Variants in GALNT13 observed in about 807,000 individuals in gnomAD.
GALNT13 encodes polypeptide N-acetylgalactosaminyltransferase 13, also known as UDP-GalNAc:polypeptide N-acetylgalactosaminyltransferase 13.
In GALNT13, 28 loss-of-function variants were observed where a neutral mutation model predicts 64.2. That is an observed-to-expected ratio of 0.44 (90% confidence interval 0.32 to 0.60). The LOEUF is 0.60. GALNT13 is among the 20% of genes least tolerant of loss of function. The probability of loss-of-function intolerance (pLI) is 0.05; values close to 1 mark genes in which losing one functional copy is unlikely to be tolerated. For synonymous variants in GALNT13, 214 were observed against 224.6 expected (o/e 0.95, Z 0.42); for missense variants, 577 against 669.8 (o/e 0.86, Z 1.53).
At chr2:154,400,094 A>G (rs910402060) in intron 10 of GALNT13, among the ~76,000 whole-genome samples, 4 of 152,230 alleles carry the variant, frequency 2.6e-5, no homozygotes, top group African/African-American at 9.6e-5. Context: ...CCACGTATAC[A>G]TAATTTAAGA....
intron 2 of GALNT13, among the ~76,000 whole-genome samples, chr2:153,921,391 TCA>T (rs1241954833): frequency 2.0e-5 from 3 of 152,156 alleles, no homozygotes; most frequent in Non-Finnish European, 2.9e-5. Flanking sequence ...CTGCATTCTC[TCA>T]TTTGTAAGTG....
the GALNT13 span, among the ~76,000 whole-genome samples, chr2:153,521,515 T>C: frequency 1.2e-4 from 18 of 152,334 alleles, no homozygotes; most frequent in African/African-American, 4.3e-4. Flanking sequence ...GTACATGTTA[T>C]AATTGACGAA....
At chr2:154,044,140 G>A (rs1471532215) in intron 3 of GALNT13, among the ~76,000 whole-genome samples, 3 of 152,022 alleles carry the variant, frequency 2.0e-5, no homozygotes, top group African/African-American at 7.2e-5. Context: ...GGCTTTGTAG[G>A]GGATCAAGTT....
chr2:153,552,619 A>T, the GALNT13 span, among the ~76,000 whole-genome samples: 1 of 140,670 alleles, frequency 7.1e-6, no homozygotes, highest in Non-Finnish European at 1.5e-5. Context: ...AACTGGAATC[A>T]AAGGCATCAT....
chr2:154,244,975 G>T (rs889775551), intron 6 of GALNT13, among the ~76,000 whole-genome samples: 2 of 151,814 alleles, frequency 1.3e-5, no homozygotes, highest in African/African-American at 4.8e-5. Context: ...ACAAAAATTA[G>T]CCAGGTATGA....
At chr2:153,449,413 CT>C in the GALNT13 span, among the ~76,000 whole-genome samples, 1 of 152,092 alleles carries the variant, frequency 6.6e-6, no homozygotes. Flanking sequence ...GACATGCACC[CT>C]GAGATCCCAC....
the GALNT13 span, among the ~76,000 whole-genome samples, chr2:153,423,264 A>G: frequency 6.6e-6 from 1 of 151,944 alleles, no homozygotes; most frequent in Admixed American, 6.6e-5. Context: ...CAATTTTTAA[A>G]ACATATGATT....
At chr2:153,070,606 T>C in the GALNT13 span, among the ~76,000 whole-genome samples, 1 of 152,182 alleles carries the variant, frequency 6.6e-6, no homozygotes, top group Admixed American at 6.6e-5. Context: ...TCCTCGATTT[T>C]TCTGTAAGTC....
At chr2:153,269,808 C>G in the GALNT13 span, among the ~76,000 whole-genome samples, 1 of 152,126 alleles carries the variant, frequency 6.6e-6, no homozygotes, top group African/African-American at 2.4e-5. Context: ...CAAGTACTTT[C>G]TTTACAAGGT....
At chr2:154,374,965 T>A (rs1465247733) in intron 9 of GALNT13, among the ~76,000 whole-genome samples, 1 of 152,152 alleles carries the variant, frequency 6.6e-6, no homozygotes, top group Non-Finnish European at 1.5e-5. Flanking sequence ...AATGTAAATA[T>A]AATCTATAGT....
At chr2:154,270,299 G>A (rs1444532314) in intron 8 of GALNT13, among the ~76,000 whole-genome samples, 1 of 151,838 alleles carries the variant, frequency 6.6e-6, no homozygotes, top group African/African-American at 2.4e-5. Context: ...TCAATTTGGA[G>A]ACATGCTTAT....
intron 2 of GALNT13, among the ~76,000 whole-genome samples, chr2:153,906,132 A>G (rs1166867165): frequency 6.6e-6 from 1 of 151,828 alleles, no homozygotes; most frequent in African/African-American, 2.4e-5. Context: ...AGGCAAAACC[A>G]TAAGTAAGGG....
Position 154,236,138 on chromosome 2 carries a change from C to G in GALNT13, c.312-5892C>G. 7 of 1,125,792 alleles carry G rather than the reference C, an allele frequency of 6.2e-6. No individual in the cohort carries two copies. The South Asian group carries it at 1.4e-4, about 23-fold the overall frequency. The allele number at this position is 1,125,792 out of a possible 1,614,324, so 69.7% of individuals were successfully genotyped here. A position where few individuals can be genotyped will look rare whatever the true frequency, so the allele number is the denominator to read the frequency against. On this transcript the variant is annotated intron_variant, in intron 4 of 12. Transcript: ENST00000392825. Reference sequence around the variant, plus strand: ...AAGACTTTCTGACTTTCCCTGCTTTCGTGACAGTAAATATTGTCTTCTTGC... The same window carrying G: ...AAGACTTTCTGACTTTCCCTGCTTTGGTGACAGTAAATATTGTCTTCTTGC...
chr2:153,719,741 C>T, the GALNT13 span, among the ~76,000 whole-genome samples: 20 of 151,890 alleles, frequency 1.3e-4, no homozygotes, highest in East Asian at 3.1e-3. Context: ...CCGAATATTG[C>T]GCTTTTCAGA....
the GALNT13 span, among the ~76,000 whole-genome samples, chr2:153,498,224 T>A: frequency 6.6e-6 from 1 of 152,240 alleles, no homozygotes; most frequent in East Asian, 1.9e-4. Context: ...AAAAAATCTT[T>A]CAAACGTTTT....
the GALNT13 span, among the ~76,000 whole-genome samples, chr2:153,372,433 G>A: frequency 6.6e-6 from 1 of 152,124 alleles, no homozygotes; most frequent in African/African-American, 2.4e-5. Context: ...GGATCACGAT[G>A]TCAAGAGATC....
the GALNT13 span, among the ~76,000 whole-genome samples, chr2:153,803,894 A>G: frequency 6.6e-6 from 1 of 152,010 alleles, no homozygotes; most frequent in Non-Finnish European, 1.5e-5. Flanking sequence ...TGTGAGAAAT[A>G]AATTTCTGTT....
chr2:153,872,631 GGGGA>G lies in GALNT13; in HGVS notation c.-177+330_-177+333del, dbSNP rs74906491. On this transcript the variant is annotated intron_variant, in intron 1 of 12. Transcript: ENST00000392825. ...GAGTTGTTGGTGGCGGGGGGGGGGG[GGGGA>G]GCGGCTCTGGCCCCCTCTGCGTTCT... Among the ~76,000 whole-genome samples the G allele has an allele frequency of 4.2e-3, 434 of 102,718 alleles. 28 individuals carry two copies. Among genetic ancestry groups the G allele is most frequent in the African/African-American group, 0.011 (324 of 29,314 alleles). 67.4% of individuals were successfully genotyped at this position (102,718 alleles called of 152,430 possible).
chr2:154,232,202 C>T (rs560650248), intron 4 of GALNT13, among the ~76,000 whole-genome samples: 21 of 152,206 alleles, frequency 1.4e-4, no homozygotes, highest in African/African-American at 5.1e-4. Context: ...AGCTTTCACT[C>T]ATTCAACCTC....
Sources: allele counts gnomAD v4.1 joint callset (sites outside exome capture counted in the v4.1 genomes callset), GRCh38; gene constraint gnomAD v4.1.1; transcripts MANE v1.5; gene names NCBI Gene and HGNC (gene_info 2026-07-23, HGNC 2026-07-21).